SLC25A13: variants seen among roughly 807,000 people sequenced by gnomAD.
SLC25A13 encodes the protein electrogenic aspartate/glutamate antiporter SLC25A13, mitochondrial.
Under a neutral mutation model 85.5 loss-of-function variants are expected in SLC25A13, and 70 were observed. That is an observed-to-expected ratio of 0.82 (90% CI 0.68 to 1.00). SLC25A13 has a LOEUF of 1.00. Ranked by LOEUF, SLC25A13 falls within the 50% of genes least tolerant of loss-of-function variation. SLC25A13 has a pLI of 0.00. For synonymous variants in SLC25A13, 259 were observed against 288.7 expected (o/e 0.90, Z 1.04); for missense variants, 765 against 819.8 (o/e 0.93, Z 0.82).
intron 4 of SLC25A13, among the ~76,000 whole-genome samples, 176 bp downstream of exon 4, chr7:96,234,626 G>A (rs959458591): frequency 3.3e-5 from 5 of 151,396 alleles, no homozygotes; most frequent in Admixed American, 6.6e-5. Context: ...TGTTTTTTTC[G>A]AATAGGAAGA....
chr7:96,313,741 T>C (rs776431329), intron 1 of SLC25A13, among the ~76,000 whole-genome samples: 11 of 152,150 alleles, frequency 7.2e-5, no homozygotes, highest in Non-Finnish European at 1.5e-4. Flanking sequence ...AATCTGTACA[T>C]GTACCTCCGG....
At chr7:96,236,609 T>C (rs2116821048) in intron 3 of SLC25A13, among the ~76,000 whole-genome samples, 2 of 152,278 alleles carry the variant, frequency 1.3e-5, no homozygotes, top group East Asian at 3.9e-4. Flanking sequence ...ATTTTACTTG[T>C]GAGGAAACGG....
chr7:96,184,493 G>T, intron 10 of SLC25A13, 58 bp from the exon 11 acceptor site: 1 of 1,540,674 alleles, frequency 6.5e-7, no homozygotes, highest in Non-Finnish European at 8.9e-7. Context: ...GAAGAAAGAA[G>T]AAGGTAGTTA....
intron 3 of SLC25A13, among the ~76,000 whole-genome samples, chr7:96,268,818 T>C (rs1320870694): frequency 3.3e-5 from 5 of 152,142 alleles, no homozygotes; most frequent in Non-Finnish European, 4.4e-5. Flanking sequence ...ACTTCCATGC[T>C]CCAGGCAAGC....
intron 15 of SLC25A13, among the ~76,000 whole-genome samples, chr7:96,122,720 GAACAAC>G (rs948188018): frequency 1.3e-5 from 2 of 152,042 alleles, no homozygotes; most frequent in African/African-American, 2.4e-5. Flanking sequence ...AATGAAAAAG[GAACAAC>G]AACAACAACA....
intron 4 of SLC25A13, among the ~76,000 whole-genome samples, chr7:96,212,866 C>T (rs143270875): frequency 5.7e-4 from 87 of 152,314 alleles, no homozygotes; most frequent in African/African-American, 1.8e-3. Flanking sequence ...TACCACTTGG[C>T]ATAATTTCTA....
At chr7:96,236,560 G>C (rs558617380) in intron 3 of SLC25A13, among the ~76,000 whole-genome samples, 1 of 152,222 alleles carries the variant, frequency 6.6e-6, no homozygotes, top group African/African-American at 2.4e-5. Context: ...AAATTTTAAA[G>C]CTGAGAAGAT....
chr7:96,285,365 T>C (rs1798847350), intron 2 of SLC25A13, among the ~76,000 whole-genome samples: 1 of 152,126 alleles, frequency 6.6e-6, no homozygotes, highest in Non-Finnish European at 1.5e-5. Flanking sequence ...AAACCCCCAA[T>C]TACCTTTCCA....
intron 3 of SLC25A13, among the ~76,000 whole-genome samples, chr7:96,273,898 G>C (rs978085621): frequency 1.3e-5 from 2 of 152,152 alleles, no homozygotes; most frequent in African/African-American, 4.8e-5. Flanking sequence ...AAAAATGCTT[G>C]CTGGCATAAG....
Position 96,267,535 on chromosome 7 carries a change from G to A in SLC25A13, c.212+9661C>T, listed in dbSNP as rs72615138. Among the ~76,000 whole-genome samples, 3,695 of 152,188 alleles carry A rather than the reference G, an allele frequency of 0.024. 234 individuals are homozygous for A. The East Asian group carries it at 0.28, about 11-fold the overall frequency. ...GAACAGAAAGGAATTATCTGAGGCC[G>A]GGCATAGTGGCTCACGTCTGTAATT... On this transcript the variant is annotated intron_variant, in intron 3 of 17. Transcript: ENST00000265631.
chr7:96,210,169 G>A (rs1795635830), intron 4 of SLC25A13, among the ~76,000 whole-genome samples: 1 of 152,136 alleles, frequency 6.6e-6, no homozygotes, highest in Non-Finnish European at 1.5e-5. Flanking sequence ...ATAAGGTTAG[G>A]TGTGTATTTG....
intron 15 of SLC25A13, among the ~76,000 whole-genome samples, chr7:96,128,939 GCTCTCTCTCTCTCTCTCT>G (rs58984088): frequency 3.7e-5 from 3 of 81,846 alleles, no homozygotes; most frequent in South Asian, 5.3e-4. Context: ...TGCCTTGCTT[GCTCTCTCTCTCTCTCTCT>G]CTCTCTCTCT....
chr7:96,123,533 G>T (rs1337601446), intron 15 of SLC25A13, among the ~76,000 whole-genome samples: 1 of 152,322 alleles, frequency 6.6e-6, no homozygotes, highest in East Asian at 1.9e-4. Context: ...GGTACTGGGG[G>T]TGAAGGAAGC....
chr7:96,239,065 A>ATATATATATATATATATG (rs1392985826), intron 3 of SLC25A13, among the ~76,000 whole-genome samples: 26 of 132,040 alleles, frequency 2.0e-4, no homozygotes, highest in African/African-American at 6.7e-4. Context: ...ATATATATAT[A>ATATATATATATATATATG]TATGTATGTA....
At chr7:96,275,287 A>G (rs1455128507) in intron 3 of SLC25A13, among the ~76,000 whole-genome samples, 6 of 152,146 alleles carry the variant, frequency 3.9e-5, no homozygotes, top group South Asian at 2.1e-4. Flanking sequence ...ACTGTTGGTG[A>G]GACTGTAAAC....
intron 4 of SLC25A13, among the ~76,000 whole-genome samples, chr7:96,224,730 C>T (rs367648743): frequency 6.6e-6 from 1 of 152,180 alleles, no homozygotes; most frequent in African/African-American, 2.4e-5. Flanking sequence ...GTAACTAATG[C>T]ATTTGCCTAT....
intron 2 of SLC25A13, among the ~76,000 whole-genome samples, chr7:96,296,371 C>A (rs1345503137): frequency 6.6e-6 from 1 of 152,118 alleles, no homozygotes; most frequent in Non-Finnish European, 1.5e-5. Context: ...CCTTACACCA[C>A]ATGAGATAAA....
intron 2 of SLC25A13, chr7:96,283,758 C>A: frequency 4.9e-6 from 1 of 206,034 alleles, no homozygotes; most frequent in South Asian, 7.1e-5. Flanking sequence ...TGTGAGAACT[C>A]ACGGGAAGGA....
intron 4 of SLC25A13, among the ~76,000 whole-genome samples, chr7:96,209,500 T>G (rs1795609885): frequency 6.6e-6 from 1 of 152,168 alleles, no homozygotes. Flanking sequence ...GCTGTTTCTG[T>G]GTTTGAAAAA....
Sources: gnomAD v4.1 joint callset for allele counts (sites outside exome capture counted in the v4.1 genomes callset) on GRCh38, gnomAD v4.1.1 for gene constraint, MANE v1.5 for transcripts, NCBI Gene and HGNC (gene_info 2026-07-23, HGNC 2026-07-21) for gene names.